The following IGSF10 variants were observed in gnomAD, a reference collection of about 807,000 sequenced individuals.
The protein encoded by IGSF10 is immunoglobulin superfamily member 10, also known as calvaria mechanical force protein 608.
IGSF10 carries 126 observed loss-of-function variants against 128.2 expected under a neutral mutation model. The ratio of observed to expected loss-of-function variants is 0.98; its 90% CI spans 0.85 to 1.14. The LOEUF (loss-of-function observed/expected upper bound fraction) is 1.14. IGSF10 is among the 50% of genes most tolerant of loss of function. The probability of loss-of-function intolerance (pLI) is 0.00; values close to 1 mark genes in which losing one functional copy is unlikely to be tolerated. For synonymous variants in IGSF10, 1,185 were observed against 1,146.2 expected (o/e 1.03, Z -0.68); for missense variants, 3,295 against 3,149.8 (o/e 1.05, Z -1.10).
At chr3:151,564,669 T>C in the IGSF10 span, among the ~76,000 whole-genome samples, 2 of 152,250 alleles carry the variant, frequency 1.3e-5, no homozygotes, top group East Asian at 1.9e-4. Context: ...GATATCTGCA[T>C]GCATTTGGGT....
chr3:151,508,234 AAAAT>A, the IGSF10 span, among the ~76,000 whole-genome samples: 3 of 152,122 alleles, frequency 2.0e-5, no homozygotes, highest in African/African-American at 7.2e-5. Context: ...GAAGGGGTAA[AAAAT>A]AGATACAACA....
At chr3:151,607,384 A>T in the IGSF10 span, among the ~76,000 whole-genome samples, 1 of 152,100 alleles carries the variant, frequency 6.6e-6, no homozygotes, top group African/African-American at 2.4e-5. Context: ...ACCTGGGGAT[A>T]AAAAAAGTAT....
the IGSF10 span, among the ~76,000 whole-genome samples, chr3:151,550,071 A>G: frequency 6.6e-6 from 1 of 152,150 alleles, no homozygotes; most frequent in Non-Finnish European, 1.5e-5. Flanking sequence ...AAAAAATAAA[A>G]TTGAGAACTT....
chr3:151,453,278 G>A, intron 5 of IGSF10, 106 bp downstream of exon 5: 2 of 880,442 alleles, frequency 2.3e-6, no homozygotes, highest in Non-Finnish European at 3.4e-6. Flanking sequence ...TTTCTGAGAT[G>A]TTATTTTCTC....
chr3:151,584,611 C>T, the IGSF10 span, among the ~76,000 whole-genome samples: 83 of 152,184 alleles, frequency 5.5e-4, no homozygotes, highest in African/African-American at 1.9e-3. Flanking sequence ...AAGAAGAAAG[C>T]GAAGGAAGCA....
the IGSF10 span, among the ~76,000 whole-genome samples, chr3:151,558,772 G>T: frequency 6.6e-6 from 1 of 152,138 alleles, no homozygotes; most frequent in South Asian, 2.1e-4. Flanking sequence ...ACTCAGATTT[G>T]TCATCTCTGG....
At chr3:151,522,274 C>A in the IGSF10 span, among the ~76,000 whole-genome samples, 2 of 152,014 alleles carry the variant, frequency 1.3e-5, no homozygotes, top group African/African-American at 2.4e-5. Flanking sequence ...GTACAAAGAG[C>A]TGGTATCATT....
the IGSF10 span, among the ~76,000 whole-genome samples, chr3:151,522,514 T>C: frequency 1.3e-5 from 2 of 152,192 alleles, no homozygotes; most frequent in Non-Finnish European, 2.9e-5. Flanking sequence ...GCTTCATCCC[T>C]GGGATGCAAG....
At chr3:151,601,603 G>C in the IGSF10 span, among the ~76,000 whole-genome samples, 1 of 152,190 alleles carries the variant, frequency 6.6e-6, no homozygotes. Context: ...CTTTGCCTAT[G>C]CATAAAGTTT....
At chr3:151,512,824 T>C in the IGSF10 span, among the ~76,000 whole-genome samples, 758 of 152,296 alleles carry the variant, frequency 5.0e-3, 7 homozygotes, top group African/African-American at 0.018. Flanking sequence ...CATCAGAGAA[T>C]ACTACAAACA....
chr3:151,438,646 G>A, intron 7 of IGSF10, 49 bp from the exon 8 acceptor site: 3 of 1,454,996 alleles, frequency 2.1e-6, no homozygotes, highest in Non-Finnish European at 2.8e-6. Context: ...AGCAATGAGG[G>A]AAACTGTTTT....
At position 151,446,269 on chromosome 3, in the gene IGSF10, T is replaced by C. The variant is rs144316007; in HGVS notation, c.3712A>G (p.Thr1238Ala). ...QKSTAVMLPK[T>A]SPALPRDKVS... is the part of the protein sequence containing the mutation. Reference sequence around the variant, plus strand: ...TTGTCTCTGGGTAAAGCAGGAGATGTTTTAGGAAGCATCACAGCTGTGCTT... The same window carrying C: ...TTGTCTCTGGGTAAAGCAGGAGATGCTTTAGGAAGCATCACAGCTGTGCTT... The change falls in exon 6 of 8, where the codon ACA (threonine) becomes GCA (alanine). Residue 1238 changes from threonine (T) to alanine (A), a missense_variant. Thr to Ala is a moderately conservative substitution (Grantham distance 58). Coordinates refer to ENST00000282466, the MANE Select transcript of IGSF10 (RefSeq NM_178822.5). The C allele has an allele frequency of 8.1e-3, 13,094 of 1,613,964 alleles. 68 individuals carry two copies. The highest frequency in any genetic ancestry group is 9.3e-3 in the South Asian group (847 of 91,078).
At chr3:151,433,226 T>C (rs1719733239), downstream of IGSF10, 1 of 154,938 alleles carries the variant, frequency 6.5e-6, no homozygotes, top group South Asian at 2.0e-4. Context: ...ACCAAACTAC[T>C]GATTTGAAAG....
the IGSF10 span, among the ~76,000 whole-genome samples, chr3:151,565,382 A>C: frequency 6.6e-6 from 1 of 152,148 alleles, no homozygotes. Flanking sequence ...AAGTACAAAA[A>C]GTGAATAAGG....
At chr3:151,617,320 C>CTTCTTCTTCTTCTTCTTCTTCTCCT in the IGSF10 span, among the ~76,000 whole-genome samples, 3 of 83,580 alleles carry the variant, frequency 3.6e-5, no homozygotes, top group South Asian at 9.3e-4. Context: ...CTTCTTCTTC[C>CTTCTTCTTCTTCTTCTTCTTCTCCT]CCTCCTCCTC....
the IGSF10 span, among the ~76,000 whole-genome samples, chr3:151,582,647 A>G: frequency 6.6e-6 from 1 of 152,256 alleles, no homozygotes; most frequent in South Asian, 2.1e-4. Context: ...CCATTCAACT[A>G]TTGATACTAG....
At chr3:151,547,917 C>A in the IGSF10 span, among the ~76,000 whole-genome samples, 1 of 152,158 alleles carries the variant, frequency 6.6e-6, no homozygotes, top group Non-Finnish European at 1.5e-5. Flanking sequence ...GTTTGAGCAA[C>A]CTGAAGTCAT....
At chr3:151,495,643 C>T in the IGSF10 span, among the ~76,000 whole-genome samples, 9 of 151,922 alleles carry the variant, frequency 5.9e-5, no homozygotes, top group Non-Finnish European at 1.2e-4. Context: ...TGATATTTAC[C>T]TTTTTTTATT....
At chr3:151,462,605 A>T, upstream of IGSF10, among the ~76,000 whole-genome samples, 1 of 152,258 alleles carries the variant, frequency 6.6e-6, no homozygotes, top group East Asian at 1.9e-4. Context: ...AAAAGCCGTT[A>T]ATTCAAACTC....
Sources: allele counts gnomAD v4.1 joint callset (sites outside exome capture counted in the v4.1 genomes callset), GRCh38; gene constraint gnomAD v4.1.1; transcripts MANE v1.5; gene names NCBI Gene and HGNC (gene_info 2026-07-23, HGNC 2026-07-21).